BCAR3: variants seen among roughly 807,000 people sequenced by gnomAD.
BCAR3 encodes breast cancer anti-estrogen resistance protein 3.
In BCAR3, 37 loss-of-function variants were observed where a neutral mutation model predicts 80.1. The ratio of observed to expected loss-of-function variants is 0.46; its 90% CI spans 0.36 to 0.61. The LOEUF (loss-of-function observed/expected upper bound fraction) is 0.61. Ranked by LOEUF, BCAR3 falls within the 20% of genes least tolerant of loss-of-function variation. The pLI, the probability that BCAR3 is intolerant of heterozygous loss-of-function variation, is 0.00. For synonymous variants in BCAR3, 389 were observed against 418.9 expected (o/e 0.93, Z 0.87); for missense variants, 978 against 1,068.2 (o/e 0.92, Z 1.18).
chr1:93,658,133 G>A (rs889647059), intron 2 of BCAR3, among the ~76,000 whole-genome samples: 1 of 151,926 alleles, frequency 6.6e-6, no homozygotes. Flanking sequence ...TACAGATGGG[G>A]TTTCACCATG....
intron 3 of BCAR3, among the ~76,000 whole-genome samples, chr1:93,697,839 A>G (rs150673571): frequency 0.032 from 4,943 of 152,158 alleles, 264 homozygotes; most frequent in African/African-American, 0.11. Context: ...TTAGCCAGGC[A>G]TGGTGGCGCA....
At chr1:93,583,975 A>C in intron 6 of BCAR3, 43 bp downstream of exon 6, 2 of 1,580,842 alleles carry the variant, frequency 1.3e-6, no homozygotes, top group Non-Finnish European at 1.7e-6. Context: ...GAAGGAAACC[A>C]GGGTAACACT....
At chr1:93,679,025 C>T (rs1395710840) in intron 1 of BCAR3, among the ~76,000 whole-genome samples, 1 of 152,182 alleles carries the variant, frequency 6.6e-6, no homozygotes, top group East Asian at 1.9e-4. Context: ...TGGTATGACT[C>T]AGAACCTAGG....
At position 93,652,724 on chromosome 1, in the gene BCAR3, G is replaced by A. The variant is rs113459947; in HGVS notation, c.318-10381C>T. 1.3e-3 allele frequency among the ~76,000 whole-genome samples: 203 copies of A among 152,112 alleles called. 2 individuals are homozygous for A. The highest frequency in any genetic ancestry group is 3.5e-3 in the African/African-American group (145 of 41,484). The stretch of plus-strand genomic sequence containing the variant: ...TGGTGGGTGCATCTCTACTTGCAAC[G>A]GAGGGTCTGGCAGGCACCTCGGCCC... On this transcript the variant is annotated intron_variant, in intron 2 of 11. Coordinates refer to ENST00000260502, the MANE Select transcript of BCAR3 (RefSeq NM_003567.4).
At chr1:93,633,525 T>A (rs1675688243) in intron 3 of BCAR3, among the ~76,000 whole-genome samples, 1 of 152,230 alleles carries the variant, frequency 6.6e-6, no homozygotes, top group Non-Finnish European at 1.5e-5. Context: ...AGCTCGGCAC[T>A]TTTTCCATCT....
intron 3 of BCAR3, among the ~76,000 whole-genome samples, chr1:93,605,003 G>T (rs1435354327): frequency 1.3e-5 from 2 of 152,210 alleles, no homozygotes; most frequent in East Asian, 3.9e-4. Context: ...GCTCCAAGGG[G>T]GTCTCACCTT....
At chr1:93,842,508 G>A (rs1373413646) in intron 2 of BCAR3, among the ~76,000 whole-genome samples, 1 of 152,058 alleles carries the variant, frequency 6.6e-6, no homozygotes, top group Non-Finnish European at 1.5e-5. Context: ...TTTCATCTCT[G>A]TATGCCCCAA....
chr1:93,799,268 A>G (rs1322834003), intron 2 of BCAR3, among the ~76,000 whole-genome samples: 1 of 152,236 alleles, frequency 6.6e-6, no homozygotes, highest in Non-Finnish European at 1.5e-5. Flanking sequence ...AACAAAGAAC[A>G]AAAATGGTAG....
intron 2 of BCAR3, among the ~76,000 whole-genome samples, chr1:93,774,362 T>A (rs959757770): frequency 5.3e-5 from 8 of 151,804 alleles, no homozygotes; most frequent in African/African-American, 1.7e-4. Context: ...CGTGCACCTG[T>A]AGTCCCAGCC....
At chr1:93,805,784 T>C (rs1653635214) in intron 2 of BCAR3, among the ~76,000 whole-genome samples, 1 of 152,092 alleles carries the variant, frequency 6.6e-6, no homozygotes, top group African/African-American at 2.4e-5. Context: ...AACATAATTT[T>C]AGAGGAAATA....
Position 93,562,081 on chromosome 1 carries a change from AGT to A in BCAR3, c.*158_*159del. ...AGTAACTTTAGACAATTCATAAATA[AGT>A]GTGCTCTGTGCAATTTACACGTTTA... On this transcript the variant is annotated 3_prime_UTR_variant, in exon 12 of 12. Transcript: ENST00000260502. 1.6e-6 allele frequency: 1 copy of A among 614,334 alleles called. No homozygotes were observed. The highest frequency in any genetic ancestry group is 2.6e-6 in the Non-Finnish European group (1 of 386,334). The allele number at this position is 614,334 out of a possible 1,614,324, so 38.1% of individuals were successfully genotyped here.
chr1:93,801,104 T>C (rs1243055986), intron 2 of BCAR3, among the ~76,000 whole-genome samples: 4 of 152,240 alleles, frequency 2.6e-5, no homozygotes, highest in Admixed American at 2.6e-4. Flanking sequence ...TCTTTTCCTT[T>C]TCTTCCTTTT....
At chr1:93,623,299 G>T (rs1464407215) in intron 3 of BCAR3, among the ~76,000 whole-genome samples, 1 of 152,058 alleles carries the variant, frequency 6.6e-6, no homozygotes, top group Non-Finnish European at 1.5e-5. Flanking sequence ...AAAATGTAAG[G>T]GGGGGAATGG....
At chr1:93,575,988 G>A in intron 8 of BCAR3, 26 bp downstream of exon 8, 1 of 1,597,520 alleles carries the variant, frequency 6.3e-7, no homozygotes. Context: ...GGGAGGGTCG[G>A]AAGTGCAGAG....
chr1:93,562,316 A>T lies in BCAR3; in HGVS notation c.2403T>A (p.Tyr801Ter). 2 of 1,614,134 alleles carry T rather than the reference A, an allele frequency of 1.2e-6. No individual in the cohort carries two copies. The highest frequency in any genetic ancestry group is 2.2e-5 in the East Asian group (1 of 44,890). ...CAGTTAAAATCTGGTTGAATTTCTCATATCTCTCTGTCTGATTGACTTGTG... is the reference window on the plus strand; with the variant it reads ...CAGTTAAAATCTGGTTGAATTTCTCTTATCTCTCTGTCTGATTGACTTGTG... ...KGAQVNQTER[Y>*]EKFNQILTAL... is the part of the protein sequence containing the mutation. The change falls in exon 12 of 12, where the codon TAT (tyrosine) becomes TAA (stop). Residue 801 changes from tyrosine (Y) to a stop codon, truncating the protein, a stop_gained. Transcript: ENST00000260502. LOFTEE classifies it high-confidence loss of function.
In BCAR3 at chr1:93,576,042, G is replaced by A; in HGVS notation, c.1774C>T (p.His592Tyr). 6.2e-7 allele frequency: 1 copy of A among 1,614,166 alleles called. No homozygotes were observed. The highest frequency in any genetic ancestry group is 8.5e-7 in the Non-Finnish European group (1 of 1,180,034). ...GLELITLPHG[H>Y]QLRLDIIERH... ...TCAATTATGTCCAGGCGCAGCTGGT[G>A]TCCGTGAGGCAAGGTAATGAGTTCC... Residue 592 changes from histidine (H) to tyrosine (Y), a missense_variant, in exon 8 of 12, where the codon CAC becomes TAC. Transcript: ENST00000260502.
intron 3 of BCAR3, among the ~76,000 whole-genome samples, chr1:93,631,071 A>G (rs915770858): frequency 5.9e-5 from 9 of 152,230 alleles, no homozygotes; most frequent in African/African-American, 2.2e-4. Flanking sequence ...TATATAAAGT[A>G]TCCGGAGGGC....
chr1:93,580,794 T>C (rs1045518614), intron 7 of BCAR3, among the ~76,000 whole-genome samples: 3 of 152,172 alleles, frequency 2.0e-5, no homozygotes, highest in African/African-American at 7.2e-5. Context: ...TTAATCTCTC[T>C]TAAGGATGAG....
chr1:93,751,604 A>G (rs960509433), intron 2 of BCAR3, among the ~76,000 whole-genome samples: 5 of 152,150 alleles, frequency 3.3e-5, no homozygotes, highest in African/African-American at 1.2e-4. Context: ...CATCGGACCT[A>G]GTTTTCTTCT....
Sources: gnomAD v4.1 joint callset for allele counts (sites outside exome capture counted in the v4.1 genomes callset) on GRCh38, gnomAD v4.1.1 for gene constraint, MANE v1.5 for transcripts, NCBI Gene and HGNC (gene_info 2026-07-23, HGNC 2026-07-21) for gene names.